BST1: variants seen among roughly 807,000 people sequenced by gnomAD.
The protein encoded by BST1 is bone marrow stromal cell antigen 1, also known as ADP-ribosyl cyclase/cyclic ADP-ribose hydrolase 2.
In BST1, 49 loss-of-function variants were observed where a neutral mutation model predicts 40.6. The observed-to-expected ratio is 1.21, with a 90% CI of 0.96 to 1.53. The LOEUF is 1.53. Among genes scored for constraint, BST1 ranks in the 40% most tolerant of loss-of-function variants. The pLI is 0.00. For synonymous variants in BST1, 157 were observed against 159.3 expected, an observed-to-expected ratio of 0.99 and a Z score of 0.11; for missense variants, 423 against 395.9, an observed-to-expected ratio of 1.07 and a Z score of -0.58.
the BST1 span, among the ~76,000 whole-genome samples, chr4:15,757,646 A>T: frequency 1.3e-5 from 2 of 151,928 alleles, no homozygotes; most frequent in African/African-American, 4.8e-5. Context: ...TTATTTATTT[A>T]TTTATTTATT....
At chr4:15,761,321 A>C in the BST1 span, among the ~76,000 whole-genome samples, 1 of 152,006 alleles carries the variant, frequency 6.6e-6, no homozygotes, top group African/African-American at 2.4e-5. Flanking sequence ...CTAGCTGTAC[A>C]GTTCTGGGAA....
At chr4:15,734,128 T>G (rs1721480200), downstream of BST1, among the ~76,000 whole-genome samples, 2 of 152,202 alleles carry the variant, frequency 1.3e-5, no homozygotes, top group Admixed American at 1.3e-4. Context: ...TATGACATCC[T>G]CGAGAAGGCA....
chr4:15,758,967 GC>G, the BST1 span, among the ~76,000 whole-genome samples: 1 of 151,922 alleles, frequency 6.6e-6, no homozygotes, highest in Non-Finnish European at 1.5e-5. Flanking sequence ...ACACCTCAGT[GC>G]CTTTTGTAGG....
chr4:15,748,913 A>T, the BST1 span, among the ~76,000 whole-genome samples: 39 of 152,308 alleles, frequency 2.6e-4, no homozygotes, highest in African/African-American at 9.4e-4. Flanking sequence ...CACTTCATGC[A>T]AGAGTCGCAG....
chr4:15,720,965 G>T (rs1720776928), intron 7 of BST1, among the ~76,000 whole-genome samples: 1 of 152,184 alleles, frequency 6.6e-6, no homozygotes, highest in South Asian at 2.1e-4. Flanking sequence ...CAGAGCCCAG[G>T]TCTCCTTGCC....
intron 4 of BST1, among the ~76,000 whole-genome samples, chr4:15,713,604 G>A (rs1477671124): frequency 6.6e-6 from 1 of 152,202 alleles, no homozygotes; most frequent in Non-Finnish European, 1.5e-5. Flanking sequence ...GAACTGACAA[G>A]TAGGGGAGCT....
chr4:15,761,038 T>C, the BST1 span, among the ~76,000 whole-genome samples: 2 of 150,202 alleles, frequency 1.3e-5, no homozygotes, highest in Non-Finnish European at 2.9e-5. Context: ...TTTTTTTGTT[T>C]TGTTTTGTTT....
chr4:15,736,954 G>A (rs962446277), downstream of BST1, among the ~76,000 whole-genome samples: 13 of 152,126 alleles, frequency 8.5e-5, no homozygotes, highest in African/African-American at 3.1e-4. Flanking sequence ...CAAAGGAAAT[G>A]GGGAGGCAGC....
At position 15,718,992 on chromosome 4, in the gene BST1, C is replaced by A; in HGVS notation, c.790C>A (p.Arg264=). The change falls in exon 7 of 9, where the codon CGA becomes AGA. Residue 264 remains arginine, a splice_region_variant and synonymous_variant. Transcript: ENST00000265016. ...GFQYSCINDY[R]PVKLLQCVDH... ...CCAGTACAGCTGTATTAATGATTAC[C>A]GGTAGGTGGCCTATATATCAATGTG... The A allele has an allele frequency of 6.2e-7, 1 of 1,612,788 alleles. No individual in the cohort carries two copies.
downstream of BST1, among the ~76,000 whole-genome samples, chr4:15,741,131 C>T (rs1278656426): frequency 6.6e-6 from 1 of 151,994 alleles, no homozygotes; most frequent in Non-Finnish European, 1.5e-5. Context: ...CTCACTCCTC[C>T]TCCAACAAAG....
rs767379570 is a variant in BST1 at position 15,731,820 on chromosome 4, T to C, written c.932T>C (p.Val311Ala). The change falls in exon 9 of 9, where the codon GTG becomes GCG. Residue 311 changes from valine (V) to alanine (A), a missense_variant. Physicochemically the swap from Val to Ala is moderately conservative, Grantham distance 64. Transcript: ENST00000265016. ...GGTCTTATCATTCCCCTCTTTCTGG[T>C]GCTGGCTTCCAGGACTCAACTGTAA... ...RAGLIIPLFL[V>A]LASRTQL 3.7e-6 allele frequency: 6 copies of C among 1,613,482 alleles called. No homozygotes were observed. In the Admixed American group the frequency reaches 5.0e-5, roughly 13 times the overall value.
intron 8 of BST1, among the ~76,000 whole-genome samples, chr4:15,723,163 T>C (rs1720906163): frequency 6.6e-6 from 1 of 152,256 alleles, no homozygotes; most frequent in Non-Finnish European, 1.5e-5. Context: ...GCTGGTGTAA[T>C]GGGGCCACCC....
At chr4:15,707,801 A>G (rs993490980) in intron 3 of BST1, among the ~76,000 whole-genome samples, 155 bp downstream of exon 3, 4 of 150,806 alleles carry the variant, frequency 2.7e-5, no homozygotes, top group African/African-American at 9.8e-5. Context: ...ACAATACTAG[A>G]GAATACTTAA....
chr4:15,705,509 G>A lies in BST1; in HGVS notation c.189-6G>A, dbSNP rs766615416. On this transcript the variant is annotated splice_region_variant and splice_polypyrimidine_tract_variant and intron_variant, in intron 1 of 8. Transcript: ENST00000265016. ...TGTGTTCTTCCCAACTTGTACTTTT[G>A]CACAGGAACAAGAACTGCACAGCCA... 1.5e-5 allele frequency: 24 copies of A among 1,563,796 alleles called. No individual in the cohort carries two copies. The African/African-American group carries it at 2.9e-4, about 19-fold the overall frequency.
At chr4:15,763,695 G>T in the BST1 span, among the ~76,000 whole-genome samples, 197 of 152,038 alleles carry the variant, frequency 1.3e-3, 2 homozygotes, top group African/African-American at 4.5e-3. Flanking sequence ...TTGGTAAATG[G>T]ATAAATTGTG....
chr4:15,761,296 T>G, the BST1 span, among the ~76,000 whole-genome samples: 1 of 151,774 alleles, frequency 6.6e-6, no homozygotes, highest in African/African-American at 2.4e-5. Flanking sequence ...AAAAATGGAG[T>G]TTTAAAATTC....
chr4:15,723,178 A>C (rs1245410025), intron 8 of BST1, among the ~76,000 whole-genome samples: 1 of 152,162 alleles, frequency 6.6e-6, no homozygotes, highest in Non-Finnish European at 1.5e-5. Flanking sequence ...CCACCCTTTA[A>C]AGTTTGTTCA....
chr4:15,745,576 T>C, the BST1 span, among the ~76,000 whole-genome samples: 1 of 152,204 alleles, frequency 6.6e-6, no homozygotes, highest in Admixed American at 6.5e-5. Flanking sequence ...CCTCTCTTGT[T>C]CTTGAGGTCA....
the BST1 span, among the ~76,000 whole-genome samples, chr4:15,763,410 C>G: frequency 2.0e-5 from 3 of 151,534 alleles, no homozygotes; most frequent in Non-Finnish European, 4.4e-5. Context: ...CCATTTATTT[C>G]TGAATTTTGA....
Sources: gnomAD v4.1 joint callset for allele counts (sites outside exome capture counted in the v4.1 genomes callset) on GRCh38, gnomAD v4.1.1 for gene constraint, MANE v1.5 for transcripts, NCBI Gene and HGNC (gene_info 2026-07-23, HGNC 2026-07-21) for gene names.